NETO1: variants seen among roughly 807,000 people sequenced by gnomAD.
NETO1 encodes neuropilin and tolloid like 1, also known as neuropilin and tolloid-like protein 1.
In NETO1, 26 loss-of-function variants were observed where a neutral mutation model predicts 61.3. That is an observed-to-expected ratio of 0.42 (90% confidence interval 0.31 to 0.59). The LOEUF (loss-of-function observed/expected upper bound fraction) is 0.59. NETO1 is among the 20% of genes least tolerant of loss of function. NETO1 has a pLI of 0.12. For synonymous variants in NETO1, 225 were observed against 225.8 expected (o/e 1.00, Z 0.03); for missense variants, 531 against 662.8 (o/e 0.80, Z 2.18).
intron 6 of NETO1, 121 bp from the exon 7 acceptor site, chr18:72,784,027 T>C: frequency 1.5e-6 from 1 of 679,880 alleles, no homozygotes; most frequent in Non-Finnish European, 2.5e-6. Flanking sequence ...TCTTATTATT[T>C]TCCCTTGTGA....
chr18:72,754,089 T>C (rs529351779), intron 8 of NETO1, among the ~76,000 whole-genome samples: 2 of 152,202 alleles, frequency 1.3e-5, no homozygotes, highest in South Asian at 2.1e-4. Flanking sequence ...AGGAAGAATG[T>C]TTCTATGTCT....
intron 4 of NETO1, among the ~76,000 whole-genome samples, chr18:72,849,568 A>G (rs962973627): frequency 6.6e-6 from 1 of 152,222 alleles, no homozygotes; most frequent in Admixed American, 6.5e-5. Context: ...AGCTTTTGCC[A>G]ACTGCCTAAT....
At chr18:72,775,238 T>C (rs775980447) in intron 7 of NETO1, among the ~76,000 whole-genome samples, 9 of 152,198 alleles carry the variant, frequency 5.9e-5, no homozygotes, top group Non-Finnish European at 8.8e-5. Flanking sequence ...TCCCCTTTAC[T>C]GGCATTAGAT....
In NETO1 at chr18:72,794,309, T is replaced by C; in HGVS notation, c.511+54A>G. ...CTTGAATAATAAACCAAAAGTGTAT[T>C]TCATAGCAGAAAACAAAGTCTTCTG... On this transcript the variant is annotated intron_variant, in intron 5 of 10. Coordinates refer to ENST00000327305, the MANE Select transcript of NETO1 (RefSeq NM_138966.5). The C allele has an allele frequency of 1.1e-5, 18 of 1,613,686 alleles. No homozygotes were observed. The South Asian group carries it at 1.9e-4, about 17-fold the overall frequency.
chr18:72,837,144 A>G (rs2073776079), intron 4 of NETO1, among the ~76,000 whole-genome samples: 1 of 152,206 alleles, frequency 6.6e-6, no homozygotes, highest in African/African-American at 2.4e-5. Flanking sequence ...ACAAGAGAAT[A>G]TTGTGCTATT....
chr18:72,770,918 G>T (rs763939422), intron 7 of NETO1, among the ~76,000 whole-genome samples: 2 of 152,058 alleles, frequency 1.3e-5, no homozygotes, highest in Non-Finnish European at 2.9e-5. Context: ...ATTGGAAAAT[G>T]TGTTAATTTA....
At chr18:72,763,016 G>A (rs1003654105) in intron 7 of NETO1, among the ~76,000 whole-genome samples, 1 of 152,016 alleles carries the variant, frequency 6.6e-6, no homozygotes, top group Non-Finnish European at 1.5e-5. Context: ...ATGTACCTCC[G>A]ATTTTAGTGT....
intron 4 of NETO1, among the ~76,000 whole-genome samples, chr18:72,811,028 AC>A (rs1391709085): frequency 2.6e-5 from 4 of 152,360 alleles, no homozygotes; most frequent in African/African-American, 9.6e-5. Flanking sequence ...TCAGAAAGAT[AC>A]CAAGAGCTTG....
At chr18:72,834,306 A>G (rs1298518518) in intron 4 of NETO1, 3 of 859,014 alleles carry the variant, frequency 3.5e-6, no homozygotes. Flanking sequence ...TTCATAAATG[A>G]CAAAACTGTA....
intron 7 of NETO1, among the ~76,000 whole-genome samples, chr18:72,769,570 C>T (rs1202567262): frequency 6.6e-6 from 1 of 152,054 alleles, no homozygotes; most frequent in Non-Finnish European, 1.5e-5. Context: ...TTTACCAAAC[C>T]AGTACATATT....
intron 6 of NETO1, among the ~76,000 whole-genome samples, chr18:72,786,515 T>G (rs1598993761): frequency 6.6e-6 from 1 of 152,270 alleles, no homozygotes; most frequent in African/African-American, 2.4e-5. Context: ...ATTCTAAAAT[T>G]TCCAAATACT....
chr18:72,835,474 G>C (rs2073715775), intron 4 of NETO1, among the ~76,000 whole-genome samples: 1 of 152,180 alleles, frequency 6.6e-6, no homozygotes, highest in Non-Finnish European at 1.5e-5. Context: ...TTCTATTCTA[G>C]TAACTCAGGT....
At chr18:72,853,989 A>C (rs2074338336) in intron 4 of NETO1, among the ~76,000 whole-genome samples, 1 of 152,176 alleles carries the variant, frequency 6.6e-6, no homozygotes, top group Admixed American at 6.5e-5. Context: ...GAGGAAAAAT[A>C]TTGCACCGAA....
intron 1 of NETO1, 160 bp downstream of exon 1, chr18:72,867,104 C>A (rs1389237547): frequency 1.9e-6 from 1 of 521,958 alleles, no homozygotes; most frequent in Admixed American, 4.3e-5. Context: ...CCCGGTTCCA[C>A]GATGCTGCAA....
intron 7 of NETO1, among the ~76,000 whole-genome samples, chr18:72,776,513 ACTTCT>A (rs1444988691): frequency 1.3e-5 from 2 of 152,322 alleles, no homozygotes; most frequent in East Asian, 1.9e-4. Flanking sequence ...ACAGAAATTT[ACTTCT>A]CACTGTTTTG....
At chr18:72,826,988 A>G (rs1344712453) in intron 4 of NETO1, among the ~76,000 whole-genome samples, 1 of 151,562 alleles carries the variant, frequency 6.6e-6, no homozygotes, top group Non-Finnish European at 1.5e-5. Flanking sequence ...CTGCACTCCC[A>G]CCGCCTCCTA....
At chr18:72,862,206 G>C (rs12454022) in intron 3 of NETO1, among the ~76,000 whole-genome samples, 44,465 of 152,056 alleles carry the variant, frequency 0.29, 6,866 homozygotes, top group East Asian at 0.57. Context: ...TATAATGGTG[G>C]CTGGGGCTCT....
chr18:72,772,395 C>T (rs1368334117), intron 7 of NETO1, among the ~76,000 whole-genome samples: 3 of 151,966 alleles, frequency 2.0e-5, no homozygotes, highest in Admixed American at 1.3e-4. Context: ...TAAGTCTCAT[C>T]GGTTCAAAGT....
chr18:72,770,064 C>A (rs1345531554), intron 7 of NETO1, among the ~76,000 whole-genome samples: 1 of 151,974 alleles, frequency 6.6e-6, no homozygotes, highest in African/African-American at 2.4e-5. Flanking sequence ...CCATCTCCAA[C>A]ATTATTTCAT....
Sources: allele counts gnomAD v4.1 joint callset (sites outside exome capture counted in the v4.1 genomes callset), GRCh38; gene constraint gnomAD v4.1.1; transcripts MANE v1.5; gene names NCBI Gene and HGNC (gene_info 2026-07-23, HGNC 2026-07-21).